Variants in USP15 observed in about 807,000 individuals in gnomAD.
The protein encoded by USP15 is ubiquitin specific peptidase 15.
USP15 carries 18 observed loss-of-function variants against 127.1 expected under a neutral mutation model. The observed-to-expected ratio is 0.14, with a 90% confidence interval of 0.10 to 0.21. The LOEUF is 0.21. Among genes scored for constraint, USP15 ranks in the 10% least tolerant of loss-of-function variants. USP15 has a pLI of 1.00. For missense variants in USP15, 805 were observed against 1,159.9 expected (o/e 0.69, Z 4.44); for synonymous variants, 364 against 393.7 (o/e 0.92, Z 0.89).
At chr12:62,271,661 T>G (rs1405349097) in intron 1 of USP15, among the ~76,000 whole-genome samples, 1 of 151,964 alleles carries the variant, frequency 6.6e-6, no homozygotes, top group African/African-American at 2.4e-5. Context: ...TTATTAATTA[T>G]CATTTCCTTC....
chr12:62,302,498 C>T (rs149676901), intron 2 of USP15, among the ~76,000 whole-genome samples: 166 of 152,126 alleles, frequency 1.1e-3, no homozygotes, highest in African/African-American at 3.9e-3. Flanking sequence ...GGGCTGCATG[C>T]GGCCCAGGAT....
At chr12:62,392,502 A>G (rs1047797949) in intron 18 of USP15, 115 bp downstream of exon 18, 1 of 728,164 alleles carries the variant, frequency 1.4e-6, no homozygotes, top group African/African-American at 1.8e-5. Context: ...TTTAAATAGT[A>G]AAGGATTCTT....
Position 62,355,248 on chromosome 12 carries a change from C to A in USP15, c.771-83C>A, listed in dbSNP as rs1051144168. The A allele has an allele frequency of 2.5e-6, 3 of 1,200,330 alleles. No individual in the cohort carries two copies. The African/African-American group carries it at 4.6e-5, about 19-fold the overall frequency. 74.4% of individuals were successfully genotyped at this position (1,200,330 alleles called of 1,614,324 possible). On this transcript the variant is annotated intron_variant, in intron 7 of 21. Coordinates refer to ENST00000280377, the MANE Select transcript of USP15 (RefSeq NM_001252078.2). ...AGAAATGTAATGATCAACCACATAT[C>A]TCATAAATAGGCCTAAAGTACTCTT...
At chr12:62,341,183 A>C (rs961083809) in intron 6 of USP15, among the ~76,000 whole-genome samples, 1 of 148,082 alleles carries the variant, frequency 6.8e-6, no homozygotes, top group Non-Finnish European at 1.5e-5. Context: ...TTTATCAGAG[A>C]CTAGTATTTC....
At chr12:62,373,912 T>A (rs1306609452) in intron 8 of USP15, among the ~76,000 whole-genome samples, 1 of 151,894 alleles carries the variant, frequency 6.6e-6, no homozygotes, top group Non-Finnish European at 1.5e-5. Flanking sequence ...AACAGGCCTA[T>A]ATTTGTAGTT....
intron 6 of USP15, among the ~76,000 whole-genome samples, chr12:62,339,230 A>T (rs1244475363): frequency 6.6e-5 from 10 of 152,044 alleles, no homozygotes. Flanking sequence ...TGATTTTTGC[A>T]CGTTGATTTT....
chr12:62,385,808 C>A, intron 11 of USP15, among the ~76,000 whole-genome samples: 1 of 151,974 alleles, frequency 6.6e-6, no homozygotes, highest in East Asian at 1.9e-4. Flanking sequence ...TATAACTTTG[C>A]AGATATACAC....
chr12:62,346,986 C>G (rs1156559140), intron 6 of USP15, among the ~76,000 whole-genome samples: 2 of 152,096 alleles, frequency 1.3e-5, no homozygotes, highest in Non-Finnish European at 2.9e-5. Flanking sequence ...TATGTCACCA[C>G]CTACAAAATT....
intron 4 of USP15, among the ~76,000 whole-genome samples, 174 bp from the exon 5 acceptor site, chr12:62,321,290 A>T (rs1433982831): frequency 6.6e-6 from 1 of 152,126 alleles, no homozygotes; most frequent in Non-Finnish European, 1.5e-5. Flanking sequence ...TTTTTTCCAT[A>T]AAAACTTGGT....
intron 1 of USP15, among the ~76,000 whole-genome samples, chr12:62,292,572 A>G (rs1592514696): frequency 6.6e-6 from 1 of 152,176 alleles, no homozygotes; most frequent in African/African-American, 2.4e-5. Context: ...CAGTGGGTGG[A>G]GGGGGAGGAG....
At chr12:62,282,381 T>A (rs1261352993) in intron 1 of USP15, among the ~76,000 whole-genome samples, 1 of 152,066 alleles carries the variant, frequency 6.6e-6, no homozygotes, top group Non-Finnish European at 1.5e-5. Flanking sequence ...ACAGGAAGAT[T>A]AACAGCAACA....
chr12:62,364,161 C>T (rs1224222867), intron 8 of USP15, among the ~76,000 whole-genome samples: 1 of 152,060 alleles, frequency 6.6e-6, no homozygotes, highest in African/African-American at 2.4e-5. Context: ...GAACTAAGCC[C>T]TGCAATACAT....
intron 6 of USP15, among the ~76,000 whole-genome samples, chr12:62,342,940 T>A (rs1175404346): frequency 2.6e-5 from 4 of 151,980 alleles, no homozygotes; most frequent in Non-Finnish European, 5.9e-5. Context: ...GCTGGGAGAA[T>A]CCCCCTTGTC....
chr12:62,367,619 ATGG>A (rs1431878679), intron 8 of USP15, among the ~76,000 whole-genome samples: 2 of 151,962 alleles, frequency 1.3e-5, no homozygotes, highest in African/African-American at 4.8e-5. Context: ...GTATTCTCTG[ATGG>A]TAGTTTTTAT....
chr12:62,330,168 GATAAT>G (rs1400537689), intron 6 of USP15, among the ~76,000 whole-genome samples: 1 of 152,054 alleles, frequency 6.6e-6, no homozygotes, highest in Non-Finnish European at 1.5e-5. Context: ...TCGGAGTAGA[GATAAT>G]AGGAGGAAAG....
Position 62,408,378 on chromosome 12 carries a change from C to T in USP15, c.*4003C>T, listed in dbSNP as rs1440693755. The T allele has an allele frequency of 2.0e-5, 3 of 151,674 alleles. No homozygotes were observed. Among genetic ancestry groups the T allele is most frequent in the Non-Finnish European group, 4.4e-5 (3 of 67,884 alleles). 9.4% of individuals were successfully genotyped at this position (151,674 alleles called of 1,614,324 possible). A position where few individuals can be genotyped will look rare whatever the true frequency, so the allele number is the denominator to read the frequency against. ...TCTGTGCTTGTGCAGTGTAGATGAG[C>T]TCACCGCTTTAATTTTTAAGATAGA... On this transcript the variant is annotated 3_prime_UTR_variant, in exon 22 of 22. Transcript: ENST00000280377.
intron 1 of USP15, among the ~76,000 whole-genome samples, chr12:62,274,507 G>A (rs570661170): frequency 1.3e-5 from 2 of 151,908 alleles, no homozygotes; most frequent in African/African-American, 4.8e-5. Flanking sequence ...TTAACCGGGT[G>A]TGGTGGTGCT....
chr12:62,383,804 C>G (rs554245302), intron 9 of USP15, 36 bp from the exon 10 acceptor site: 2 of 1,600,400 alleles, frequency 1.2e-6, no homozygotes, highest in Non-Finnish European at 1.7e-6. Context: ...CAACCCTGTT[C>G]CTAGAACTGA....
chr12:62,278,994 T>C (rs1455672456), intron 1 of USP15: 1 of 152,184 alleles, frequency 6.6e-6, no homozygotes, highest in Non-Finnish European at 1.5e-5. Context: ...ACTGTCTATA[T>C]CAACTTTTTT....
Sources: allele counts gnomAD v4.1 joint callset (sites outside exome capture counted in the v4.1 genomes callset), GRCh38; gene constraint gnomAD v4.1.1; transcripts MANE v1.5; gene names NCBI Gene and HGNC (gene_info 2026-07-23, HGNC 2026-07-21).